The following SIPA1L2 variants were observed in gnomAD, a reference collection of about 807,000 sequenced individuals.
The protein encoded by SIPA1L2 is signal induced proliferation associated 1 like 2.
Under a neutral mutation model 163.9 loss-of-function variants are expected in SIPA1L2, and 56 were observed. That is an observed-to-expected ratio of 0.34 (90% CI 0.28 to 0.43). The LOEUF (loss-of-function observed/expected upper bound fraction) is 0.43. SIPA1L2 is among the 20% of genes least tolerant of loss of function. The probability of loss-of-function intolerance (pLI) is 1.00; values close to 1 mark genes in which losing one functional copy is unlikely to be tolerated. For missense variants in SIPA1L2, 1,974 were observed against 2,193.5 expected (o/e 0.90, Z 2.00); for synonymous variants, 877 against 865.7 (o/e 1.01, Z -0.23).
chr1:232,407,723 G>C (rs1660723603), intron 19 of SIPA1L2, among the ~76,000 whole-genome samples: 1 of 152,102 alleles, frequency 6.6e-6, no homozygotes, highest in African/African-American at 2.4e-5. Context: ...GCCTTCGTGG[G>C]GCAGCAACAT....
chr1:232,541,303 G>C (rs955134392), intron 2 of SIPA1L2, among the ~76,000 whole-genome samples: 1 of 112,974 alleles, frequency 8.9e-6, no homozygotes, highest in Admixed American at 8.6e-5. Flanking sequence ...TAACATAACA[G>C]AATATATCTT....
At chr1:232,518,817 G>GC (rs1348371637) in intron 2 of SIPA1L2, among the ~76,000 whole-genome samples, 2 of 152,054 alleles carry the variant, frequency 1.3e-5, no homozygotes, top group Non-Finnish European at 2.9e-5. Context: ...TATCTACGGT[G>GC]CCTGGAGCTG....
chr1:232,547,408 A>C (rs1272617123), intron 2 of SIPA1L2, among the ~76,000 whole-genome samples: 1 of 151,358 alleles, frequency 6.6e-6, no homozygotes, highest in Admixed American at 6.6e-5. Flanking sequence ...TCGGTGTAAC[A>C]ATCAGGGAAG....
chr1:232,547,400 G>A (rs1226922235), intron 2 of SIPA1L2, among the ~76,000 whole-genome samples: 2 of 151,326 alleles, frequency 1.3e-5, no homozygotes, highest in East Asian at 1.9e-4. Flanking sequence ...AGGTGGTCTC[G>A]GTGTAACAAT....
intron 2 of SIPA1L2, among the ~76,000 whole-genome samples, chr1:232,534,494 T>C (rs1259316472): frequency 6.6e-6 from 1 of 152,244 alleles, no homozygotes; most frequent in Non-Finnish European, 1.5e-5. Flanking sequence ...ATTGCTTGAA[T>C]ATGACACTAA....
At chr1:232,497,952 C>G (rs1666283350) in intron 3 of SIPA1L2, among the ~76,000 whole-genome samples, 1 of 152,192 alleles carries the variant, frequency 6.6e-6, no homozygotes, top group Non-Finnish European at 1.5e-5. Context: ...GAAGCACACT[C>G]CACCGTTCAT....
intron 2 of SIPA1L2, among the ~76,000 whole-genome samples, chr1:232,517,376 A>G (rs1301045382): frequency 6.6e-6 from 1 of 152,168 alleles, no homozygotes; most frequent in Non-Finnish European, 1.5e-5. Context: ...CAGACTGACC[A>G]CCTTGGGCTC....
At chr1:232,518,230 A>G (rs1302838526) in intron 2 of SIPA1L2, among the ~76,000 whole-genome samples, 2 of 152,188 alleles carry the variant, frequency 1.3e-5, no homozygotes, top group Admixed American at 6.5e-5. Context: ...TGTTTGTGCT[A>G]AGAACATTAG....
intron 10 of SIPA1L2, among the ~76,000 whole-genome samples, chr1:232,453,399 T>C (rs1010128135): frequency 6.6e-6 from 1 of 152,230 alleles, no homozygotes; most frequent in East Asian, 1.9e-4. Flanking sequence ...ATCCCATGAC[T>C]GGAACTTGCA....
chr1:232,484,755 G>A (rs550256435), intron 5 of SIPA1L2, among the ~76,000 whole-genome samples: 9 of 152,218 alleles, frequency 5.9e-5, no homozygotes, highest in Non-Finnish European at 1.0e-4. Flanking sequence ...CCTTTCTTAT[G>A]TCCCCCAAAG....
At chr1:232,491,123 T>G in intron 4 of SIPA1L2, 61 bp from the exon 5 acceptor site, 1 of 1,446,332 alleles carries the variant, frequency 6.9e-7, no homozygotes, top group South Asian at 1.3e-5. Flanking sequence ...ACTCACAGCC[T>G]AACTGTTTGG....
intron 7 of SIPA1L2, among the ~76,000 whole-genome samples, chr1:232,476,457 G>A (rs957943419): frequency 5.3e-5 from 8 of 152,068 alleles, no homozygotes; most frequent in East Asian, 1.9e-4. Flanking sequence ...AAAGAATTTC[G>A]TTGCCAAAGT....
chr1:232,433,441 T>C (rs1662367885), intron 15 of SIPA1L2, among the ~76,000 whole-genome samples: 1 of 152,166 alleles, frequency 6.6e-6, no homozygotes, highest in Admixed American at 6.5e-5. Context: ...GGGGTTGTAA[T>C]TGGGTAGGAT....
At chr1:232,601,947 C>T (rs533164960) in intron 1 of SIPA1L2, among the ~76,000 whole-genome samples, 1 of 152,282 alleles carries the variant, frequency 6.6e-6, no homozygotes. Context: ...TGTCACCTTA[C>T]AAGCATGTGA....
At chr1:232,429,491 TAAG>T (rs1662099398) in intron 16 of SIPA1L2, among the ~76,000 whole-genome samples, 2 of 152,220 alleles carry the variant, frequency 1.3e-5, no homozygotes, top group South Asian at 4.1e-4. Context: ...TGCTCAAAAT[TAAG>T]AAGGATTTCT....
In SIPA1L2 at chr1:232,399,083, A is replaced by C; in HGVS notation, c.*44T>G. 6.2e-7 allele frequency: 1 copy of C among 1,612,746 alleles called. No homozygotes were observed. The highest frequency in any genetic ancestry group is 8.5e-7 in the Non-Finnish European group (1 of 1,179,238). On this transcript the variant is annotated 3_prime_UTR_variant, in exon 23 of 23. Transcript: ENST00000674635. ...ACCACATGTTTGTGACTTCAAAGGG[A>C]CAAGGGGCATTTCCCAGTGGTCCCT...
chr1:232,539,906 G>C (rs564368336), intron 2 of SIPA1L2, among the ~76,000 whole-genome samples: 4 of 152,196 alleles, frequency 2.6e-5, no homozygotes, highest in African/African-American at 4.8e-5. Flanking sequence ...AAAAATGAAA[G>C]GTCTGTGTCT....
intron 2 of SIPA1L2, among the ~76,000 whole-genome samples, chr1:232,539,632 G>A (rs1268154022): frequency 6.6e-6 from 1 of 152,154 alleles, no homozygotes; most frequent in Non-Finnish European, 1.5e-5. Context: ...TGTACAAGAA[G>A]AGCAAACACA....
rs1660136681 is a variant in SIPA1L2, at chr1:232,398,231, G to GTGTT, written c.*892_*895dup. The GTGTT allele has an allele frequency of 6.6e-6, 1 of 152,558 alleles. No homozygotes were observed. Among genetic ancestry groups the GTGTT allele is most frequent in the Non-Finnish European group, 1.5e-5 (1 of 68,038 alleles). 9.5% of individuals were successfully genotyped at this position (152,558 alleles called of 1,614,324 possible). ...TAAGGTTAAATAAGCTTAAATAAGG[G>GTGTT]TGTTAAATACAAGACACTTCATCAA... On this transcript the variant is annotated 3_prime_UTR_variant, in exon 23 of 23. Transcript: ENST00000674635.
Sources: gnomAD v4.1 joint callset for allele counts (sites outside exome capture counted in the v4.1 genomes callset) on GRCh38, gnomAD v4.1.1 for gene constraint, MANE v1.5 for transcripts, NCBI Gene and HGNC (gene_info 2026-07-23, HGNC 2026-07-21) for gene names.